Variants in TMC8 observed in about 807,000 individuals in gnomAD.
TMC8 encodes transmembrane channel like 8.
A neutral mutation model predicts 76.0 loss-of-function variants in TMC8; 71 were observed. That is an observed-to-expected ratio of 0.93 (90% confidence interval 0.77 to 1.14). The LOEUF (loss-of-function observed/expected upper bound fraction) is 1.14. TMC8 is among the 50% of genes most tolerant of loss of function. The pLI is 0.00. For missense variants in TMC8, 924 were observed against 947.9 expected (o/e 0.97, Z 0.33); for synonymous variants, 433 against 433.8 (o/e 1.00, Z 0.02).
intron 15 of TMC8, 101 bp from the exon 16 acceptor site, chr17:78,140,733 G>A (rs1598929782): frequency 6.7e-7 from 1 of 1,484,354 alleles, no homozygotes; most frequent in Non-Finnish European, 9.2e-7. Flanking sequence ...TACTTTGGGT[G>A]CGGGCTGGCC....
rs2075373289 is a variant in TMC8 at position 78,141,594 on chromosome 17, C to T, written c.*482C>T. ...TGTTCCAGCTGCAAACTGCCTGCAT[C>T]ATCCCTTCCTGTTACTCTTCCTTCA... On this transcript the variant is annotated 3_prime_UTR_variant, in exon 16 of 16. Coordinates refer to ENST00000318430, the MANE Select transcript of TMC8 (RefSeq NM_152468.5). The T allele has an allele frequency of 6.6e-6, 1 of 152,582 alleles. No individual in the cohort carries two copies. Among genetic ancestry groups the T allele is most frequent in the African/African-American group, 2.4e-5 (1 of 41,468 alleles). The allele number at this position is 152,582 out of a possible 1,614,324, so 9.5% of individuals were successfully genotyped here.
chr17:78,133,004 C>A, intron 5 of TMC8, 134 bp downstream of exon 5: 3 of 1,036,452 alleles, frequency 2.9e-6, no homozygotes, highest in Non-Finnish European at 4.5e-6. Flanking sequence ...CTTACCTAGA[C>A]AGACTGGCCT....
In TMC8 at chr17:78,131,512, T is replaced by C. The variant is rs981322015; in HGVS notation, c.-77T>C. 26 of 1,528,416 alleles carry C rather than the reference T, an allele frequency of 1.7e-5. No homozygotes were observed. In the African/African-American group the frequency reaches 3.3e-4, roughly 19 times the overall value. 94.7% of individuals were successfully genotyped at this position (1,528,416 alleles called of 1,614,324 possible). A position where few individuals can be genotyped will look rare whatever the true frequency, so the allele number is the denominator to read the frequency against. On this transcript the variant is annotated 5_prime_UTR_variant, in exon 2 of 16. Coordinates refer to ENST00000318430, the MANE Select transcript of TMC8 (RefSeq NM_152468.5). ...TGCACAGAGGCCATAGCCAAGGCCTTAAGGCTCATCCAACCGGGGACTCAT... is the reference window on the plus strand; with the variant it reads ...TGCACAGAGGCCATAGCCAAGGCCTCAAGGCTCATCCAACCGGGGACTCAT...
At chr17:78,140,813 C>T (rs908066045) in intron 15 of TMC8, 21 bp from the exon 16 acceptor site, 2 of 1,595,554 alleles carry the variant, frequency 1.3e-6, no homozygotes. Context: ...TGTCGCAACT[C>T]GCCACTTGTT....
rs1163722365 is a variant in TMC8, at chr17:78,138,398, C to G, written c.1583C>G (p.Ser528Cys). 1.9e-6 allele frequency: 3 copies of G among 1,612,496 alleles called. No individual in the cohort carries two copies. Among genetic ancestry groups the G allele is most frequent in the African/African-American group, 1.3e-5 (1 of 75,056 alleles). Reference protein sequence around the residue: ...SRASSRPFRASSSTFFFQLVL... With the variant: ...SRASSRPFRACSSTFFFQLVL... ...GCATCTTCGCGGCCCTTCCGTGCCTCCAGCTCCACCTTCTTCTTCCAGCTA... is the reference window on the plus strand; with the variant it reads ...GCATCTTCGCGGCCCTTCCGTGCCTGCAGCTCCACCTTCTTCTTCCAGCTA... The change falls in exon 13 of 16, where the codon TCC (serine) becomes TGC (cysteine). Residue 528 changes from serine (S) to cysteine (C), a missense_variant. Transcript: ENST00000318430.
In TMC8 at chr17:78,140,974, T is replaced by G. The variant is rs2075361956; in HGVS notation, c.2043T>G (p.Pro681=). Residue 681 remains proline (P), a synonymous_variant, in exon 16 of 16, where the codon CCT becomes CCG. Transcript: ENST00000318430. ...CCTTCTGCCCCGGATGCCCATGCCC[T>G]GGCTCCCCGGGCCACCAGGCCCCGC... ...PQSFCPGCPC[P]GSPGHQAPRP... 1 of 1,593,602 alleles carries G rather than the reference T, an allele frequency of 6.3e-7. No homozygotes were observed. The highest frequency in any genetic ancestry group is 1.3e-5 in the African/African-American group (1 of 74,446).
In TMC8 at chr17:78,141,054, A is replaced by G; in HGVS notation, c.2123A>G (p.Gln708Arg). The change falls in exon 16 of 16, where the codon CAG becomes CGG. Residue 708 changes from glutamine (Q) to arginine (R), a missense_variant. Coordinates refer to ENST00000318430, the MANE Select transcript of TMC8 (RefSeq NM_152468.5). Reference sequence around the variant, plus strand: ...GGACTGCGTTCCCCTTGCCCTGGACAGCACGGTGCCCCGGCCTCCGCCCGC... The same window carrying G: ...GGACTGCGTTCCCCTTGCCCTGGACGGCACGGTGCCCCGGCCTCCGCCCGC... ...AAGLRSPCPG[Q>R]HGAPASARRF... The G allele has an allele frequency of 6.3e-7, 1 of 1,599,236 alleles. No homozygotes were observed. Among genetic ancestry groups the G allele is most frequent in the South Asian group, 1.1e-5 (1 of 90,548 alleles).
At position 78,138,077 on chromosome 17, in the gene TMC8, T is replaced by C. The variant is rs2145710141; in HGVS notation, c.1422T>C (p.Asn474=). The C allele has an allele frequency of 6.2e-7, 1 of 1,614,044 alleles. No homozygotes were observed. The highest frequency in any genetic ancestry group is 1.1e-5 in the South Asian group (1 of 91,082). Residue 474 remains asparagine (N), a synonymous_variant, in exon 12 of 16, where the codon AAT becomes AAC. Coordinates refer to ENST00000318430, the MANE Select transcript of TMC8 (RefSeq NM_152468.5). ...LEREEFLVPK[N]VLDIVAGQTV... ...GGGAGGAGTTCCTGGTCCCCAAGAATGTGCTGGACATCGTGGCGGGGCAGA... is the reference window on the plus strand; with the variant it reads ...GGGAGGAGTTCCTGGTCCCCAAGAACGTGCTGGACATCGTGGCGGGGCAGA...
At chr17:78,138,834 G>T in intron 14 of TMC8, 102 bp downstream of exon 14, 1 of 1,568,280 alleles carries the variant, frequency 6.4e-7, no homozygotes, top group South Asian at 1.1e-5. Flanking sequence ...GGAGCCAGAC[G>T]CAGAAAGCCA....
Position 78,137,778 on chromosome 17 carries a change from C to T in TMC8, c.1313C>T (p.Thr438Ile), listed in dbSNP as rs2145705977. The T allele has an allele frequency of 1.9e-6, 3 of 1,613,654 alleles. No homozygotes were observed. Among genetic ancestry groups the T allele is most frequent in the Non-Finnish European group, 1.7e-6 (2 of 1,180,026 alleles). ...CTGAGTATCTTCAACTTCCTCCTCA[C>T]CGTGGCCTTCGCCTTCCTGGTCACC... ...YKLSIFNFLL[T>I]VAFAFLVTLP... The change falls in exon 11 of 16, where the codon ACC becomes ATC. Residue 438 changes from threonine (T) to isoleucine (I), a missense_variant. By Grantham distance (89) the Thr-to-Ile change is moderately conservative. Transcript: ENST00000318430.
intron 14 of TMC8, 172 bp downstream of exon 14, chr17:78,138,904 G>GGGGA: frequency 6.5e-7 from 1 of 1,536,536 alleles, no homozygotes; most frequent in East Asian, 2.4e-5. Flanking sequence ...GGGCTGCCAT[G>GGGGA]GGGATTGCAG....
In TMC8 at chr17:78,140,723, T is replaced by C; in HGVS notation, c.1903-111T>C. 2.1e-6 allele frequency: 3 copies of C among 1,440,504 alleles called. No individual in the cohort carries two copies. In the South Asian group the frequency reaches 3.7e-5, roughly 18 times the overall value. 89.2% of individuals were successfully genotyped at this position (1,440,504 alleles called of 1,614,324 possible). ...CCTCGGGCGGGGCGTGGCCTCTGGCTACTTTGGGTGCGGGCTGGCCCATGG... is the reference window on the plus strand; with the variant it reads ...CCTCGGGCGGGGCGTGGCCTCTGGCCACTTTGGGTGCGGGCTGGCCCATGG... On this transcript the variant is annotated intron_variant, in intron 15 of 15. Coordinates refer to ENST00000318430, the MANE Select transcript of TMC8 (RefSeq NM_152468.5).
At chr17:78,132,643 C>A in intron 4 of TMC8, 135 bp downstream of exon 4, 1 of 1,495,252 alleles carries the variant, frequency 6.7e-7, no homozygotes, top group Non-Finnish European at 9.2e-7. Context: ...CTCTCCCTGA[C>A]CTCGCCTTGT....
chr17:78,136,546 G>A (rs1024540974), intron 9 of TMC8: 2 of 156,488 alleles, frequency 1.3e-5, no homozygotes, highest in African/African-American at 2.4e-5. Flanking sequence ...GTCTGGTCAT[G>A]CATTGTGCAG....
chr17:78,141,678 C>T lies in TMC8; in HGVS notation c.*566C>T, dbSNP rs2075374797. The T allele has an allele frequency of 6.6e-6, 1 of 152,288 alleles. No homozygotes were observed. Among genetic ancestry groups the T allele is most frequent in the African/African-American group, 2.4e-5 (1 of 41,470 alleles). The allele number at this position is 152,288 out of a possible 1,614,324, so 9.4% of individuals were successfully genotyped here. A position where few individuals can be genotyped will look rare whatever the true frequency, so the allele number is the denominator to read the frequency against. ...GCCAGAGCTGGGATTTGAACCCAGG[C>T]ACTCGGGCTCCAGAGCCACACTGCC... is the stretch of plus-strand genomic sequence containing the variant. On this transcript the variant is annotated 3_prime_UTR_variant, in exon 16 of 16. Coordinates refer to ENST00000318430, the MANE Select transcript of TMC8 (RefSeq NM_152468.5).
At chr17:78,134,315 G>A (rs2075154851) in intron 7 of TMC8, 79 bp from the exon 8 acceptor site, 1 of 1,511,394 alleles carries the variant, frequency 6.6e-7, no homozygotes, top group Non-Finnish European at 9.1e-7. Flanking sequence ...TTGTGACTGT[G>A]TGTGAGAGCG....
chr17:78,139,087 T>A (rs2075309492), intron 14 of TMC8, 75 bp from the exon 15 acceptor site: 1 of 1,595,040 alleles, frequency 6.3e-7, no homozygotes, highest in Non-Finnish European at 8.6e-7. Context: ...GAGATTGAGG[T>A]GGGGAGAGAG....
chr17:78,142,421 G>C lies in TMC8; in HGVS notation c.*1309G>C, dbSNP rs1014982099. The C allele has an allele frequency of 1.0e-4, 16 of 152,402 alleles. No homozygotes were observed. The highest frequency in any genetic ancestry group is 3.8e-4 in the African/African-American group (16 of 41,588). The allele number at this position is 152,402 out of a possible 1,614,324, so 9.4% of individuals were successfully genotyped here. A position where few individuals can be genotyped will look rare whatever the true frequency, so the allele number is the denominator to read the frequency against. ...CTGGTCTGGACTCAGCATCAGGGAGGCTCTGGCCTCTCGCCCTCAGGGCTG... is the reference window on the plus strand; with the variant it reads ...CTGGTCTGGACTCAGCATCAGGGAGCCTCTGGCCTCTCGCCCTCAGGGCTG... On this transcript the variant is annotated 3_prime_UTR_variant, in exon 16 of 16. Transcript: ENST00000318430.
intron 12 of TMC8, 29 bp from the exon 13 acceptor site, chr17:78,138,320 C>T: frequency 6.2e-7 from 1 of 1,610,790 alleles, no homozygotes; most frequent in East Asian, 2.2e-5. Context: ...AACTCGCTGA[C>T]TCCTGGTTGC....
Sources: allele counts gnomAD v4.1 joint callset, GRCh38; gene constraint gnomAD v4.1.1; transcripts MANE v1.5; gene names NCBI Gene and HGNC (gene_info 2026-07-23, HGNC 2026-07-21).